The following XYLT1 variants were observed in gnomAD, a reference collection of about 807,000 sequenced individuals.
XYLT1 encodes beta-D-xylosyltransferase 1.
Under a neutral mutation model 91.3 loss-of-function variants are expected in XYLT1, and 36 were observed. The ratio of observed to expected loss-of-function variants is 0.39; its 90% confidence interval spans 0.30 to 0.52. XYLT1 has a LOEUF of 0.52. Ranked by LOEUF, XYLT1 falls within the 20% of genes least tolerant of loss-of-function variation. The pLI is 0.68. For synonymous variants in XYLT1, 588 were observed against 532.0 expected (o/e 1.11, Z -1.45); for missense variants, 1,242 against 1,284.5 (o/e 0.97, Z 0.51).
chr16:17,452,427 C>T (rs2036679235), intron 1 of XYLT1, among the ~76,000 whole-genome samples: 1 of 151,594 alleles, frequency 6.6e-6, no homozygotes, highest in African/African-American at 2.4e-5. Context: ...AGTTCGAGAC[C>T]ATCCCAGCCT....
chr16:17,203,664 A>C (rs902687131), intron 3 of XYLT1, among the ~76,000 whole-genome samples: 1 of 152,170 alleles, frequency 6.6e-6, no homozygotes, highest in South Asian at 2.1e-4. Context: ...TGCTCCACCC[A>C]TTCATCCATA....
chr16:17,195,283 C>G (rs147665421), intron 5 of XYLT1, among the ~76,000 whole-genome samples: 117 of 152,218 alleles, frequency 7.7e-4, no homozygotes, highest in Non-Finnish European at 1.3e-3. Context: ...GCTAGGAATC[C>G]CAGTATAGAA....
chr16:17,294,030 C>T (rs2034272471), intron 2 of XYLT1, among the ~76,000 whole-genome samples: 1 of 152,142 alleles, frequency 6.6e-6, no homozygotes, highest in African/African-American at 2.4e-5. Context: ...CACTCTGGGC[C>T]TCACTGTCCT....
intron 2 of XYLT1, among the ~76,000 whole-genome samples, chr16:17,285,712 C>T (rs2034125191): frequency 6.6e-6 from 1 of 152,230 alleles, no homozygotes; most frequent in African/African-American, 2.4e-5. Context: ...CTTTCTCCTC[C>T]TCCTCTATGC....
intron 3 of XYLT1, among the ~76,000 whole-genome samples, chr16:17,204,966 C>CAAAAAA (rs530525798): frequency 4.9e-5 from 4 of 81,276 alleles, no homozygotes; most frequent in Non-Finnish European, 9.7e-5. Context: ...TGCCCAGCTC[C>CAAAAAA]AAAAAAAAAA....
At chr16:17,132,258 G>A (rs748268129) in intron 9 of XYLT1, among the ~76,000 whole-genome samples, 4 of 152,148 alleles carry the variant, frequency 2.6e-5, no homozygotes, top group South Asian at 2.1e-4. Context: ...CCAAGATACC[G>A]CACATACTGA....
chr16:17,416,428 T>C (rs1025508067), intron 1 of XYLT1, among the ~76,000 whole-genome samples: 2 of 152,178 alleles, frequency 1.3e-5, no homozygotes, highest in African/African-American at 4.8e-5. Flanking sequence ...GAGCTCCCCA[T>C]GAAAGGCCAT....
intron 2 of XYLT1, among the ~76,000 whole-genome samples, chr16:17,304,367 T>C (rs1003067044): frequency 3.3e-5 from 5 of 152,140 alleles, no homozygotes; most frequent in Non-Finnish European, 5.9e-5. Context: ...TGTCTTTTTT[T>C]CCCCCTCCTT....
At position 17,446,724 on chromosome 16, in the gene XYLT1, A is replaced by G. The variant is rs114398325; in HGVS notation, c.363+23710T>C. ...GCATTACAAGGAACTCCTTCTAAAG[A>G]CTCAAAAGATTTGCTCTGAACTGGT... On this transcript the variant is annotated intron_variant, in intron 1 of 11. Coordinates refer to ENST00000261381, the MANE Select transcript of XYLT1 (RefSeq NM_022166.4). Among the ~76,000 whole-genome samples, 843 of 152,124 alleles carry G rather than the reference A, an allele frequency of 5.5e-3. 10 individuals carry two copies. The highest frequency in any genetic ancestry group is 0.019 in the African/African-American group (778 of 41,472).
intron 9 of XYLT1, among the ~76,000 whole-genome samples, chr16:17,128,663 T>G (rs2141497339): frequency 6.6e-6 from 1 of 152,300 alleles, no homozygotes; most frequent in South Asian, 2.1e-4. Flanking sequence ...TGCACATACA[T>G]GCAAAAGTGG....
intron 6 of XYLT1, among the ~76,000 whole-genome samples, chr16:17,152,709 C>T (rs554724508): frequency 2.1e-4 from 32 of 152,296 alleles, no homozygotes; most frequent in Non-Finnish European, 3.5e-4. Flanking sequence ...GATGCCATCC[C>T]GGCCTCCAAT....
intron 3 of XYLT1, among the ~76,000 whole-genome samples, chr16:17,233,178 G>C (rs954900868): frequency 3.2e-4 from 48 of 152,182 alleles, no homozygotes; most frequent in Admixed American, 2.4e-3. Context: ...AATGACAACA[G>C]AAAGCAACTC....
chr16:17,257,958 C>T (rs551701473), intron 3 of XYLT1, among the ~76,000 whole-genome samples: 15 of 152,238 alleles, frequency 9.9e-5, no homozygotes, highest in African/African-American at 3.4e-4. Context: ...ATCAATGGCA[C>T]GATTGCACAT....
At chr16:17,386,540 AG>A (rs770121904) in intron 1 of XYLT1, among the ~76,000 whole-genome samples, 1 of 152,172 alleles carries the variant, frequency 6.6e-6, no homozygotes, top group Non-Finnish European at 1.5e-5. Flanking sequence ...TACTACACCC[AG>A]GCAGAAATGA....
chr16:17,313,155 C>T (rs142134529), intron 2 of XYLT1, among the ~76,000 whole-genome samples: 47 of 152,344 alleles, frequency 3.1e-4, no homozygotes, highest in African/African-American at 1.1e-3. Context: ...CTGGCCTGGG[C>T]TGCCTGCCAA....
At chr16:17,301,888 A>G (rs1017666468) in intron 2 of XYLT1, among the ~76,000 whole-genome samples, 1 of 152,106 alleles carries the variant, frequency 6.6e-6, no homozygotes, top group African/African-American at 2.4e-5. Context: ...TGGAGACCAC[A>G]TGGTCTGTTT....
chr16:17,400,102 G>C (rs975479358), intron 1 of XYLT1, among the ~76,000 whole-genome samples: 5 of 152,168 alleles, frequency 3.3e-5, no homozygotes, highest in Admixed American at 2.6e-4. Context: ...CTCTCTCCTG[G>C]CAACAGCAGC....
intron 1 of XYLT1, among the ~76,000 whole-genome samples, chr16:17,433,524 CA>C (rs1596543330): frequency 6.6e-6 from 1 of 152,302 alleles, no homozygotes; most frequent in South Asian, 2.1e-4. Flanking sequence ...TCAGAATCCA[CA>C]AACACGCATG....
At chr16:17,391,890 T>C (rs2035824596) in intron 1 of XYLT1, among the ~76,000 whole-genome samples, 1 of 152,248 alleles carries the variant, frequency 6.6e-6, no homozygotes, top group Non-Finnish European at 1.5e-5. Flanking sequence ...TCTTATTCTC[T>C]GTTGCCTGCC....
Sources: gnomAD v4.1 joint callset for allele counts (sites outside exome capture counted in the v4.1 genomes callset) on GRCh38, gnomAD v4.1.1 for gene constraint, MANE v1.5 for transcripts, NCBI Gene and HGNC (gene_info 2026-07-23, HGNC 2026-07-21) for gene names.